The following WDR3 variants were observed in gnomAD, a reference collection of about 807,000 sequenced individuals.
WDR3 encodes WD repeat-containing protein 3.
In WDR3, 81 loss-of-function variants were observed where a neutral mutation model predicts 123.7. That is an observed-to-expected ratio of 0.65 (90% CI 0.55 to 0.79). The LOEUF (loss-of-function observed/expected upper bound fraction) is 0.79. Among genes scored for constraint, WDR3 ranks in the 30% least tolerant of loss-of-function variants. The pLI is 0.00. For synonymous variants in WDR3, 390 were observed against 388.8 expected, an observed-to-expected ratio of 1.00 and a Z score of -0.04; for missense variants, 1,027 against 1,123.2, an observed-to-expected ratio of 0.91 and a Z score of 1.22.
intron 22 of WDR3, among the ~76,000 whole-genome samples, chr1:117,954,326 T>C (rs1205006910): frequency 6.6e-6 from 1 of 152,076 alleles, no homozygotes; most frequent in East Asian, 1.9e-4. Context: ...TTGTCTTGAG[T>C]AGAAACCCAC....
rs928427440 is a variant in WDR3, at chr1:117,939,472, T to C, written c.580-5T>C. Reference sequence around the variant, plus strand: ...GTATTACTCAAATCTTTTTATATTCTATAGGTATGGGGGTTGGTTCTGTTG... The same window carrying C: ...GTATTACTCAAATCTTTTTATATTCCATAGGTATGGGGGTTGGTTCTGTTG... On this transcript the variant is annotated splice_region_variant and splice_polypyrimidine_tract_variant and intron_variant, in intron 5 of 26. Coordinates refer to ENST00000349139, the MANE Select transcript of WDR3 (RefSeq NM_006784.3). 2 of 1,613,344 alleles carry C rather than the reference T, an allele frequency of 1.2e-6. No individual in the cohort carries two copies. The highest frequency in any genetic ancestry group is 1.3e-5 in the African/African-American group (1 of 75,022).
chr1:117,943,517 A>C lies in WDR3; in HGVS notation c.1219A>C (p.Ser407Arg), dbSNP rs555532069. The C allele has an allele frequency of 1.2e-6, 2 of 1,614,154 alleles. No individual in the cohort carries two copies. The highest frequency in any genetic ancestry group is 4.5e-5 in the East Asian group (2 of 44,872). The change falls in exon 11 of 27, where the codon AGC becomes CGC. Residue 407 changes from serine (S) to arginine (R), a missense_variant. Physicochemically the swap from Ser to Arg is moderately radical, Grantham distance 110. Transcript: ENST00000349139. Reference sequence around the variant, plus strand: ...GCCTACTCCTCAGCCTGTCAGGACAAGCAGAATCACTATTGGGGGTCATCG... The same window carrying C: ...GCCTACTCCTCAGCCTGTCAGGACACGCAGAATCACTATTGGGGGTCATCG... ...SLPTPQPVRTSRITIGGHRSD... is the reference protein window; with the variant it reads ...SLPTPQPVRTRRITIGGHRSD...
At chr1:117,938,356 C>T (rs1317053218) in intron 4 of WDR3, 124 bp from the exon 5 acceptor site, 1 of 667,118 alleles carries the variant, frequency 1.5e-6, no homozygotes, top group Non-Finnish European at 2.5e-6. Context: ...CAGAGAGAAT[C>T]GGAGCTTTAG....
At position 117,949,762 on chromosome 1, in the gene WDR3, G is replaced by A. The variant is rs186525966; in HGVS notation, c.1536G>A (p.Val512=). 4 of 1,613,606 alleles carry A rather than the reference G, an allele frequency of 2.5e-6. No homozygotes were observed. In the East Asian group the frequency reaches 6.7e-5, roughly 27 times the overall value. The change falls in exon 14 of 27, where the codon GTG becomes GTA. Residue 512 remains valine, a synonymous_variant. Coordinates refer to ENST00000349139, the MANE Select transcript of WDR3 (RefSeq NM_006784.3). ...CATTTGATTTTCAGCGTGGCTTTGT[G>A]ACAGGTGGTGCAGATAAATCTGTCA... The part of the protein sequence containing the change: ...MSLSPDQRGF[V]TGGADKSVKF...
At chr1:117,945,377 G>GTTGTCATAAGAGCA (rs1651338573) in intron 11 of WDR3, among the ~76,000 whole-genome samples, 1 of 152,038 alleles carries the variant, frequency 6.6e-6, no homozygotes, top group Non-Finnish European at 1.5e-5. Flanking sequence ...CTTTCTTATG[G>GTTGTCATAAGAGCA]CTGTTGTGCT....
rs1653173691 is a variant in WDR3 at position 117,962,086 on chromosome 1, T to G, written c.*2639T>G. 6.6e-6 allele frequency: 1 copy of G among 151,638 alleles called. No individual in the cohort carries two copies. The highest frequency in any genetic ancestry group is 1.5e-5 in the Non-Finnish European group (1 of 67,954). 9.4% of individuals were successfully genotyped at this position (151,638 alleles called of 1,614,324 possible). A position where few individuals can be genotyped will look rare whatever the true frequency, so the allele number is the denominator to read the frequency against. On this transcript the variant is annotated 3_prime_UTR_variant, in exon 27 of 27. Transcript: ENST00000349139. ...TCAATAATTACTCTTATGTTAAAAG[T>G]TGCTGTTTTCCCGTAGCTTTGCCAC...
intron 11 of WDR3, 93 bp downstream of exon 11, chr1:117,943,719 G>A (rs1651267713): frequency 1.9e-6 from 2 of 1,074,572 alleles, no homozygotes; most frequent in South Asian, 3.3e-5. Context: ...ACTCCTTAAG[G>A]CCCTAAATAC....
chr1:117,958,046 C>T (rs1049090583), intron 25 of WDR3, among the ~76,000 whole-genome samples: 79 of 152,182 alleles, frequency 5.2e-4, no homozygotes, highest in African/African-American at 1.8e-3. Flanking sequence ...ATCTCTCACC[C>T]TCATTCTCAA....
chr1:117,957,347 T>G (rs889238165), intron 25 of WDR3, 151 bp downstream of exon 25: 17 of 1,010,696 alleles, frequency 1.7e-5, no homozygotes, highest in Middle Eastern at 2.6e-4. Flanking sequence ...GAGGCTGAGG[T>G]GGGTGGATTG....
At chr1:117,933,061 G>A (rs570683781) in intron 1 of WDR3, among the ~76,000 whole-genome samples, 2 of 151,352 alleles carry the variant, frequency 1.3e-5, no homozygotes, top group East Asian at 2.0e-4. Flanking sequence ...AAAATTAGCC[G>A]GGTATGGTGG....
intron 14 of WDR3, 72 bp from the exon 15 acceptor site, chr1:117,949,923 G>T: frequency 1.9e-6 from 3 of 1,610,716 alleles, no homozygotes; most frequent in Non-Finnish European, 1.7e-6. Flanking sequence ...CATTTGTTGT[G>T]CTCTAAAGAG....
At position 117,936,853 on chromosome 1, in the gene WDR3, T is replaced by TCTACGAGA; in HGVS notation, c.466_467insCTACGAGA (p.Leu156SerfsTer12). The TCTACGAGA allele has an allele frequency of 6.2e-7, 1 of 1,613,254 alleles. No individual in the cohort carries two copies. Among genetic ancestry groups the TCTACGAGA allele is most frequent in the Non-Finnish European group, 8.5e-7 (1 of 1,179,408 alleles). ...GCACAAGGATGCCATCACACAAGCA[T>TCTACGAGA]TGTTTCTACGAGAAAAGAACCTGCT... On this transcript the variant is annotated frameshift_variant, in exon 4 of 27. Transcript: ENST00000349139. LOFTEE classifies it high-confidence loss of function.
In WDR3 at chr1:117,951,996, T is replaced by C; in HGVS notation, c.1824T>C (p.Thr608=). The C allele has an allele frequency of 8.1e-6, 13 of 1,613,292 alleles. No individual in the cohort carries two copies. Among genetic ancestry groups the C allele is most frequent in the Non-Finnish European group, 1.1e-5 (13 of 1,179,372 alleles). Residue 608 remains threonine, a synonymous_variant, in exon 17 of 27, where the codon ACT becomes ACC. Coordinates refer to ENST00000349139, the MANE Select transcript of WDR3 (RefSeq NM_006784.3). ...CATAGGATGGAGCACTCATAGCAAC[T>C]GGCTCCGCTGATAGGAATGTGAAAA... The part of the protein sequence containing the change: ...DISHDGALIA[T]GSADRNVKIW...
chr1:117,959,196 C>T (rs771008473), intron 26 of WDR3, 96 bp from the exon 27 acceptor site: 16 of 1,458,170 alleles, frequency 1.1e-5, no homozygotes, highest in African/African-American at 5.7e-5. Context: ...AGATAAGTAA[C>T]AACACCTGAA....
intron 10 of WDR3, 131 bp downstream of exon 10, chr1:117,942,675 C>T: frequency 1.3e-6 from 1 of 753,964 alleles, no homozygotes; most frequent in Non-Finnish European, 2.2e-6. Flanking sequence ...ACATCTGTGT[C>T]ACACTCTGCT....
intron 1 of WDR3, among the ~76,000 whole-genome samples, chr1:117,932,405 A>G (rs903854129): frequency 2.6e-5 from 4 of 152,250 alleles, no homozygotes; most frequent in Non-Finnish European, 4.4e-5. Context: ...CCTCAGACTT[A>G]TGAAATCAGA....
intron 15 of WDR3, among the ~76,000 whole-genome samples, chr1:117,950,332 G>A (rs894974558): frequency 3.3e-5 from 5 of 152,154 alleles, no homozygotes; most frequent in African/African-American, 1.2e-4. Context: ...TTTGTTTAAA[G>A]CAAGTTATAT....
Position 117,933,287 on chromosome 1 carries a change from G to A in WDR3, c.-32-1G>A. On this transcript the variant is annotated splice_acceptor_variant, in intron 1 of 26. Coordinates refer to ENST00000349139, the MANE Select transcript of WDR3 (RefSeq NM_006784.3). LOFTEE classifies it low-confidence loss of function (5UTR_SPLICE). ...TGAGTTTTCTTTGTTTATATGCACA[G>A]ATTGCTTCACCTGTGGTATCAGACA... The A allele has an allele frequency of 6.2e-7, 1 of 1,611,216 alleles. No individual in the cohort carries two copies. Among genetic ancestry groups the A allele is most frequent in the Non-Finnish European group, 8.5e-7 (1 of 1,177,836 alleles).
rs748068325 is a variant in WDR3 at position 117,934,688 on chromosome 1, C to T, written c.381+6C>T. On this transcript the variant is annotated splice_donor_region_variant and intron_variant, in intron 3 of 26. Transcript: ENST00000349139. ...GACTGGCATCTGGGTCCAAGGTGAGCCTTTGAATCAGCCCAGGCTTTGATC... is the reference window on the plus strand; with the variant it reads ...GACTGGCATCTGGGTCCAAGGTGAGTCTTTGAATCAGCCCAGGCTTTGATC... 4 of 1,612,518 alleles carry T rather than the reference C, an allele frequency of 2.5e-6. 1 individual carries two copies. The South Asian group carries it at 3.3e-5, about 13-fold the overall frequency.
Sources: gnomAD v4.1 joint callset for allele counts (sites outside exome capture counted in the v4.1 genomes callset) on GRCh38, gnomAD v4.1.1 for gene constraint, MANE v1.5 for transcripts, NCBI Gene and HGNC (gene_info 2026-07-23, HGNC 2026-07-21) for gene names.